The following METAP2 variants were observed in gnomAD, a reference collection of about 807,000 sequenced individuals.
METAP2 encodes the protein methionyl aminopeptidase 2, also known as methionine aminopeptidase 2.
Under a neutral mutation model 59.4 loss-of-function variants are expected in METAP2, and 25 were observed. The observed-to-expected ratio is 0.42, with a 90% CI of 0.31 to 0.59. METAP2 has a LOEUF of 0.59. METAP2 is among the 20% of genes least tolerant of loss of function. The probability of loss-of-function intolerance (pLI) is 0.16; values close to 1 mark genes in which losing one functional copy is unlikely to be tolerated. For synonymous variants in METAP2, 214 were observed against 194.1 expected (o/e 1.10, Z -0.85); for missense variants, 366 against 581.2 (o/e 0.63, Z 3.81).
Position 95,513,907 on chromosome 12 carries a change from T to G in METAP2, c.*3T>G, listed in dbSNP as rs1447453485. The G allele has an allele frequency of 1.9e-6, 3 of 1,605,658 alleles. No homozygotes were observed. The highest frequency in any genetic ancestry group is 2.2e-5 in the East Asian group (1 of 44,728). On this transcript the variant is annotated 3_prime_UTR_variant, in exon 11 of 11. Coordinates refer to ENST00000323666, the MANE Select transcript of METAP2 (RefSeq NM_006838.4). ...TCAGCAGAGGAGATGACTATTAAAC[T>G]TAGTCCAAAGCCACCTCAACACCTT...
chr12:95,500,792 A>G (rs2076309430), intron 7 of METAP2, among the ~76,000 whole-genome samples: 3 of 152,128 alleles, frequency 2.0e-5, no homozygotes, highest in Non-Finnish European at 4.4e-5. Context: ...TATTTTGTTA[A>G]GGATTTTGCA....
At chr12:95,474,379 T>G (rs1328368992) in intron 1 of METAP2, 49 bp downstream of exon 1, 1 of 1,596,326 alleles carries the variant, frequency 6.3e-7, no homozygotes, top group South Asian at 1.1e-5. Context: ...ACGGCTGAAC[T>G]GTTTGGCTCA....
intron 7 of METAP2, among the ~76,000 whole-genome samples, chr12:95,497,194 C>T (rs932072337): frequency 2.6e-5 from 4 of 152,190 alleles, no homozygotes; most frequent in Non-Finnish European, 5.9e-5. Context: ...CACCATTCTT[C>T]TCTGTTTACT....
Position 95,514,786 on chromosome 12 carries a change from C to T in METAP2, c.*882C>T, listed in dbSNP as rs2076433937. 1.3e-5 allele frequency: 2 copies of T among 152,058 alleles called. No homozygotes were observed. The highest frequency in any genetic ancestry group is 1.3e-4 in the Admixed American group (2 of 15,270). 9.4% of individuals were successfully genotyped at this position (152,058 alleles called of 1,614,324 possible). A position where few individuals can be genotyped will look rare whatever the true frequency, so the allele number is the denominator to read the frequency against. Reference sequence around the variant, plus strand: ...GCAAAGAAGAAAAAAAAAAACTTCCCATGTTTGGATCTTGTTCTAGTTAGA... The same window carrying T: ...GCAAAGAAGAAAAAAAAAAACTTCCTATGTTTGGATCTTGTTCTAGTTAGA... On this transcript the variant is annotated 3_prime_UTR_variant, in exon 11 of 11. Transcript: ENST00000323666.
At chr12:95,474,795 C>T (rs1264063868) in intron 1 of METAP2, among the ~76,000 whole-genome samples, 2 of 152,122 alleles carry the variant, frequency 1.3e-5, no homozygotes, top group Non-Finnish European at 2.9e-5. Flanking sequence ...GGAGAGCACA[C>T]CTCCTCCCAC....
At chr12:95,506,957 C>CTT (rs527735893) in intron 8 of METAP2, among the ~76,000 whole-genome samples, 1 of 146,918 alleles carries the variant, frequency 6.8e-6, no homozygotes, top group African/African-American at 2.5e-5. Context: ...AATTTTTGGA[C>CTT]TTTTTTTTTT....
chr12:95,494,929 A>T (rs766929367), intron 5 of METAP2, 28 bp from the exon 6 acceptor site: 2 of 1,590,016 alleles, frequency 1.3e-6, no homozygotes, highest in East Asian at 2.2e-5. Context: ...GTAAAAGTAA[A>T]CAAGTTCCCT....
chr12:95,504,038 A>G lies in METAP2; in HGVS notation c.868-27A>G, dbSNP rs765581419. 3.8e-6 allele frequency: 6 copies of G among 1,563,054 alleles called. No individual in the cohort carries two copies. In the Admixed American group the frequency reaches 5.7e-5, roughly 15 times the overall value. On this transcript the variant is annotated intron_variant, in intron 7 of 10. Transcript: ENST00000323666. ...CTATGAAAATTTTGCACTTTGAATAATAAAGCATATGTTACTCTTTTTTTA... is the reference window on the plus strand; with the variant it reads ...CTATGAAAATTTTGCACTTTGAATAGTAAAGCATATGTTACTCTTTTTTTA...
intron 2 of METAP2, among the ~76,000 whole-genome samples, chr12:95,476,593 TTTCTC>T (rs1159959169): frequency 2.0e-5 from 3 of 152,044 alleles, no homozygotes; most frequent in Non-Finnish European, 4.4e-5. Flanking sequence ...CGTATAGTGT[TTTCTC>T]TGACATTTCA....
In METAP2 at chr12:95,484,621, T is replaced by A. The variant is rs1295833348; in HGVS notation, c.326-1258T>A. 3.3e-5 allele frequency among the ~76,000 whole-genome samples: 5 copies of A among 152,298 alleles called. No homozygotes were observed. In the East Asian group the frequency reaches 7.7e-4, roughly 23 times the overall value. On this transcript the variant is annotated intron_variant, in intron 3 of 10. Transcript: ENST00000323666. ...CCCTTGACAGAATTCTTCTGACAGATGTTTTAAGTATGATGCCATTAACAT... is the reference window on the plus strand; with the variant it reads ...CCCTTGACAGAATTCTTCTGACAGAAGTTTTAAGTATGATGCCATTAACAT...
intron 4 of METAP2, among the ~76,000 whole-genome samples, chr12:95,491,385 C>T (rs767698608): frequency 1.3e-5 from 2 of 152,182 alleles, no homozygotes; most frequent in Non-Finnish European, 2.9e-5. Context: ...GAAGAATTTT[C>T]TCTGTCAACT....
intron 9 of METAP2, 35 bp downstream of exon 9, chr12:95,512,033 G>T: frequency 6.7e-7 from 1 of 1,490,396 alleles, no homozygotes; most frequent in East Asian, 2.3e-5. Context: ...TTCCATGGAA[G>T]ACATTTTTTT....
At chr12:95,477,984 G>T (rs1357173569) in intron 2 of METAP2, among the ~76,000 whole-genome samples, 1 of 152,164 alleles carries the variant, frequency 6.6e-6, no homozygotes, top group East Asian at 1.9e-4. Context: ...GACCCACTGT[G>T]TATATGGTAT....
chr12:95,486,953 A>G (rs1339417209), intron 4 of METAP2, among the ~76,000 whole-genome samples: 2 of 152,234 alleles, frequency 1.3e-5, no homozygotes, highest in East Asian at 3.8e-4. Flanking sequence ...AGAGCATGGA[A>G]GCTGGGGCCA....
intron 3 of METAP2, among the ~76,000 whole-genome samples, chr12:95,484,214 T>G (rs1160666050): frequency 6.6e-6 from 1 of 152,000 alleles, no homozygotes; most frequent in African/African-American, 2.4e-5. Context: ...GGCTTGGTAG[T>G]GATTCCCCTG....
chr12:95,475,428 A>G (rs922761357), intron 1 of METAP2, among the ~76,000 whole-genome samples: 2 of 152,150 alleles, frequency 1.3e-5, no homozygotes, highest in Non-Finnish European at 2.9e-5. Context: ...AAGCTGACTG[A>G]TCCTAATGTA....
intron 7 of METAP2, among the ~76,000 whole-genome samples, chr12:95,498,446 G>C (rs953873387): frequency 6.6e-6 from 1 of 152,146 alleles, no homozygotes; most frequent in African/African-American, 2.4e-5. Flanking sequence ...ATGAAGTCCA[G>C]TTTGTCTATT....
chr12:95,499,228 A>G (rs115967080), intron 7 of METAP2, among the ~76,000 whole-genome samples: 251 of 152,134 alleles, frequency 1.6e-3, no homozygotes, highest in African/African-American at 5.8e-3. Flanking sequence ...TGCAACCTGT[A>G]CTTCCTGGGT....
intron 7 of METAP2, among the ~76,000 whole-genome samples, chr12:95,497,539 G>A (rs1385040102): frequency 1.3e-5 from 2 of 152,236 alleles, no homozygotes. Flanking sequence ...TATGAATACG[G>A]GTGTATAGAT....
Sources: gnomAD v4.1 joint callset for allele counts (sites outside exome capture counted in the v4.1 genomes callset) on GRCh38, gnomAD v4.1.1 for gene constraint, MANE v1.5 for transcripts, NCBI Gene and HGNC (gene_info 2026-07-23, HGNC 2026-07-21) for gene names.